Variants in DIS3L2 observed in about 807,000 individuals in gnomAD.
DIS3L2 encodes the protein DIS3-like exonuclease 2.
Under a neutral mutation model 97.5 loss-of-function variants are expected in DIS3L2, and 34 were observed. The observed-to-expected ratio is 0.35, with a 90% CI of 0.27 to 0.46. The LOEUF is 0.46. Among genes scored for constraint, DIS3L2 ranks in the 20% least tolerant of loss-of-function variants. The pLI, the probability that DIS3L2 is intolerant of heterozygous loss-of-function variation, is 1.00. For synonymous variants in DIS3L2, 435 were observed against 445.2 expected (o/e 0.98, Z 0.29); for missense variants, 1,038 against 1,146.0 (o/e 0.91, Z 1.36).
chr2:232,088,920 C>G (rs899026865), intron 6 of DIS3L2, among the ~76,000 whole-genome samples: 14 of 152,142 alleles, frequency 9.2e-5, no homozygotes, highest in Non-Finnish European at 2.1e-4. Context: ...CAACTCTGAC[C>G]TGGCCAGGCT....
chr2:232,340,604 G>T, downstream of DIS3L2: 1 of 447,386 alleles, frequency 2.2e-6, no homozygotes, highest in Non-Finnish European at 4.6e-6. Flanking sequence ...TGCCCAGGCA[G>T]CGCTCAGGGC....
intron 8 of DIS3L2, among the ~76,000 whole-genome samples, chr2:232,159,650 A>G (rs1690594369): frequency 6.6e-6 from 1 of 152,230 alleles, no homozygotes; most frequent in African/African-American, 2.4e-5. Context: ...TAGTACCTCC[A>G]GTACAATGTT....
intron 1 of DIS3L2, among the ~76,000 whole-genome samples, chr2:231,962,090 A>G (rs550006273): frequency 4.6e-5 from 7 of 152,246 alleles, no homozygotes; most frequent in Middle Eastern, 6.8e-3. Context: ...TGCTGTAGAG[A>G]GGACGCCTCC....
downstream of DIS3L2, among the ~76,000 whole-genome samples, chr2:232,341,535 T>A (rs1417367417): frequency 6.6e-6 from 1 of 152,174 alleles, no homozygotes; most frequent in African/African-American, 2.4e-5. Context: ...TACACAGTCA[T>A]CACCATAGAA....
chr2:232,036,310 C>A (rs1305265603), intron 5 of DIS3L2, among the ~76,000 whole-genome samples: 1 of 152,182 alleles, frequency 6.6e-6, no homozygotes, highest in Admixed American at 6.5e-5. Context: ...TCGATCAATT[C>A]ATCTACTGAT....
At chr2:232,335,260 C>G (rs1695902325) in intron 19 of DIS3L2, 1 of 177,400 alleles carries the variant, frequency 5.6e-6, no homozygotes, top group Non-Finnish European at 1.2e-5. Context: ...TTTGAATTTC[C>G]TAACATCCAG....
chr2:231,987,378 G>A (rs1228568884), intron 1 of DIS3L2, among the ~76,000 whole-genome samples: 1 of 152,186 alleles, frequency 6.6e-6, no homozygotes. Flanking sequence ...TGCAGTTTCC[G>A]TGGGAATCAT....
At chr2:232,217,289 C>T (rs1692367259) in intron 10 of DIS3L2, among the ~76,000 whole-genome samples, 1 of 152,108 alleles carries the variant, frequency 6.6e-6, no homozygotes, top group South Asian at 2.1e-4. Context: ...AGGAGATAGT[C>T]TGAGTGGGAA....
intron 5 of DIS3L2, among the ~76,000 whole-genome samples, chr2:232,061,520 A>G (rs904782761): frequency 1.3e-5 from 2 of 152,240 alleles, no homozygotes; most frequent in African/African-American, 4.8e-5. Flanking sequence ...GTACACGTAT[A>G]GTTCTACTGC....
At chr2:232,017,005 C>G (rs1694374066) in intron 3 of DIS3L2, among the ~76,000 whole-genome samples, 1 of 149,780 alleles carries the variant, frequency 6.7e-6, no homozygotes. Context: ...TGCACACGTG[C>G]ACAAGAAAGA....
At chr2:232,253,848 G>A (rs1693482233) in intron 12 of DIS3L2, among the ~76,000 whole-genome samples, 1 of 152,050 alleles carries the variant, frequency 6.6e-6, no homozygotes, top group Admixed American at 6.6e-5. Context: ...AGAGGGATGG[G>A]GGCTGCTGTT....
chr2:232,339,509 C>T (rs773020730), downstream of DIS3L2, among the ~76,000 whole-genome samples: 4 of 152,308 alleles, frequency 2.6e-5, no homozygotes, highest in Non-Finnish European at 4.4e-5. Flanking sequence ...GATGGGCTTC[C>T]GCCAGAGTTG....
chr2:232,061,918 G>A (rs760066489), intron 5 of DIS3L2, among the ~76,000 whole-genome samples: 7 of 152,130 alleles, frequency 4.6e-5, no homozygotes, highest in Non-Finnish European at 1.0e-4. Flanking sequence ...CCACACTTGG[G>A]CCCAAACAAG....
chr2:232,049,529 G>A lies in DIS3L2; in HGVS notation c.366+19449G>A, dbSNP rs181157431. On this transcript the variant is annotated intron_variant, in intron 5 of 20. Transcript: ENST00000325385. The stretch of plus-strand genomic sequence containing the variant: ...TTCTGCCTTCCGACTTCTACCTTCT[G>A]TCCACATGATGACACAGCAAGAAAG... Among the ~76,000 whole-genome samples the A allele has an allele frequency of 6.1e-3, 933 of 152,238 alleles. 3 individuals are homozygous for A. Among genetic ancestry groups the A allele is most frequent in the Non-Finnish European group, 9.9e-3 (676 of 68,020 alleles).
intron 6 of DIS3L2, among the ~76,000 whole-genome samples, chr2:232,124,703 G>A (rs1239724566): frequency 6.6e-6 from 1 of 152,034 alleles, no homozygotes; most frequent in Non-Finnish European, 1.5e-5. Context: ...TCCATAGCAG[G>A]CGAGATACCA....
At chr2:231,976,358 G>A (rs147278052) in intron 1 of DIS3L2, among the ~76,000 whole-genome samples, 4 of 152,156 alleles carry the variant, frequency 2.6e-5, no homozygotes, top group East Asian at 3.9e-4. Flanking sequence ...GGCCAGGCAC[G>A]GTAGCTCACG....
intron 1 of DIS3L2, among the ~76,000 whole-genome samples, chr2:232,009,940 A>G (rs1345069276): frequency 1.3e-5 from 2 of 152,162 alleles, no homozygotes; most frequent in African/African-American, 2.4e-5. Context: ...ACCTATGGGC[A>G]TGGAATTCTT....
At chr2:231,969,234 A>AATATGATT (rs1246086455) in intron 1 of DIS3L2, among the ~76,000 whole-genome samples, 2 of 151,964 alleles carry the variant, frequency 1.3e-5, no homozygotes, top group African/African-American at 4.8e-5. Flanking sequence ...AGTATATAGA[A>AATATGATT]ATATGATTGA....
intron 14 of DIS3L2, among the ~76,000 whole-genome samples, chr2:232,318,290 G>C (rs1695332233): frequency 6.6e-6 from 1 of 152,256 alleles, no homozygotes. Context: ...CGACCCCTAG[G>C]AAAGTCCTCA....
Sources: allele counts gnomAD v4.1 joint callset (sites outside exome capture counted in the v4.1 genomes callset), GRCh38; gene constraint gnomAD v4.1.1; transcripts MANE v1.5; gene names NCBI Gene and HGNC (gene_info 2026-07-23, HGNC 2026-07-21).